The following TG variants were observed in gnomAD, a reference collection of about 807,000 sequenced individuals.
TG encodes the protein thyroid hormones.
TG carries 270 observed loss-of-function variants against 324.7 expected under a neutral mutation model. The observed-to-expected ratio is 0.83, with a 90% confidence interval of 0.75 to 0.92. TG has a LOEUF of 0.92. Ranked by LOEUF, TG falls within the 40% of genes least tolerant of loss-of-function variation. The pLI, the probability that TG is intolerant of heterozygous loss-of-function variation, is 0.00. For missense variants in TG, 3,591 were observed against 3,456.4 expected (o/e 1.04, Z -0.98); for synonymous variants, 1,401 against 1,327.0 (o/e 1.06, Z -1.21).
chr8:133,113,818 G>A (rs1850472267), intron 44 of TG: 1 of 606,844 alleles, frequency 1.6e-6, no homozygotes, highest in Non-Finnish European at 2.9e-6. Flanking sequence ...GAAACCCCAA[G>A]CCAATGAGAG....
At chr8:133,024,803 T>C (rs1835923043) in intron 40 of TG, among the ~76,000 whole-genome samples, 1 of 152,174 alleles carries the variant, frequency 6.6e-6, no homozygotes, top group African/African-American at 2.4e-5. Flanking sequence ...CTTTATCCAG[T>C]CTATCAGTGA....
chr8:132,891,108 G>T (rs1816176757), intron 10 of TG, among the ~76,000 whole-genome samples: 1 of 152,112 alleles, frequency 6.6e-6, no homozygotes, highest in Admixed American at 6.5e-5. Context: ...AGAGAAAGGG[G>T]CTACTAACTC....
rs1379143289 is a variant in TG, at chr8:132,901,376, A to G, written c.3457A>G (p.Lys1153Glu). 1 of 1,614,160 alleles carries G rather than the reference A, an allele frequency of 6.2e-7. No homozygotes were observed. The highest frequency in any genetic ancestry group is 1.7e-5 in the Admixed American group (1 of 60,028). ...AQCPSLCNVL[K>E]SGVLSRRVSP... The stretch of plus-strand genomic sequence containing the variant: ...AGGCCCAAGCCTCTGCAATGTGCTC[A>G]AGAGTGGAGTCCTCTCCAGGAGAGT... Residue 1153 changes from lysine to glutamate, a missense_variant, in exon 16 of 48, where the codon AAG (lysine) becomes GAG (glutamate). Lys to Glu is a moderately conservative substitution (Grantham distance 56). Coordinates refer to ENST00000220616, the MANE Select transcript of TG (RefSeq NM_003235.5).
At chr8:133,019,839 T>A in intron 39 of TG, 144 bp downstream of exon 39, 1 of 679,866 alleles carries the variant, frequency 1.5e-6, no homozygotes, top group Non-Finnish European at 2.6e-6. Flanking sequence ...GACACTCAGT[T>A]AGTGAGTGAT....
At chr8:133,111,355 C>T (rs577999375) in intron 43 of TG, among the ~76,000 whole-genome samples, 2 of 152,288 alleles carry the variant, frequency 1.3e-5, no homozygotes, top group Admixed American at 1.3e-4. Context: ...AACATCGTGC[C>T]CAATTCACCT....
intron 31 of TG, 74 bp downstream of exon 31, chr8:132,968,044 C>A: frequency 6.5e-7 from 1 of 1,533,546 alleles, no homozygotes; most frequent in Non-Finnish European, 8.9e-7. Flanking sequence ...GAAAGATCCA[C>A]ATTAGTTTCT....
intron 1 of TG, among the ~76,000 whole-genome samples, chr8:132,867,365 G>A (rs111588544): frequency 0.016 from 2,462 of 152,074 alleles, 69 homozygotes; most frequent in African/African-American, 0.057. Flanking sequence ...TTGACCTTGG[G>A]TTTTTATCCC....
intron 15 of TG, among the ~76,000 whole-genome samples, chr8:132,900,637 G>A (rs1033793458): frequency 1.3e-5 from 2 of 152,220 alleles, no homozygotes; most frequent in African/African-American, 2.4e-5. Context: ...AGGGCTGGCC[G>A]GATGTGTGGC....
intron 27 of TG, 62 bp downstream of exon 27, chr8:132,949,005 T>A: frequency 6.7e-7 from 1 of 1,501,640 alleles, no homozygotes. Context: ...CAAGGCCCTC[T>A]GCTACTTTCT....
intron 41 of TG, among the ~76,000 whole-genome samples, chr8:133,075,480 G>T (rs1319434094): frequency 3.3e-5 from 5 of 152,334 alleles, no homozygotes; most frequent in African/African-American, 1.2e-4. Context: ...AACATTATGA[G>T]ATGGCAGTTG....
intron 41 of TG, among the ~76,000 whole-genome samples, chr8:133,088,797 T>C (rs1243087304): frequency 1.3e-5 from 2 of 152,216 alleles, no homozygotes; most frequent in East Asian, 3.8e-4. Context: ...AGACGAATTG[T>C]ATTAATTACT....
intron 41 of TG, among the ~76,000 whole-genome samples, chr8:133,055,424 T>C (rs1305450083): frequency 2.0e-5 from 3 of 149,352 alleles, no homozygotes; most frequent in Non-Finnish European, 4.5e-5. Flanking sequence ...TACATGCAAC[T>C]AACCAATCAC....
At chr8:133,032,942 G>A (rs1301767911) in intron 41 of TG, among the ~76,000 whole-genome samples, 1 of 152,164 alleles carries the variant, frequency 6.6e-6, no homozygotes, top group Admixed American at 6.5e-5. Context: ...GAGAGATTTA[G>A]TGACCTACCA....
intron 41 of TG, among the ~76,000 whole-genome samples, chr8:133,063,919 T>C (rs985946649): frequency 6.6e-6 from 1 of 152,174 alleles, no homozygotes; most frequent in Non-Finnish European, 1.5e-5. Context: ...ATTTAATCTG[T>C]GACAATTTTA....
intron 39 of TG, 43 bp downstream of exon 39, chr8:133,019,738 C>A: frequency 6.5e-7 from 1 of 1,541,238 alleles, no homozygotes; most frequent in Non-Finnish European, 8.9e-7. Flanking sequence ...GAAGACTGTC[C>A]CATTAGAAAT....
rs376865985 is a variant in TG at position 132,961,131 on chromosome 8, G to A, written c.5467+58G>A. The A allele has an allele frequency of 1.7e-5, 26 of 1,540,692 alleles. No homozygotes were observed. In the Admixed American group the frequency reaches 2.2e-4, roughly 13 times the overall value. ...GACGCTGATTACATGAGATTGTCTG[G>A]CACCACCTCTCATTCACAGGGCACT... On this transcript the variant is annotated intron_variant, in intron 28 of 47. Coordinates refer to ENST00000220616, the MANE Select transcript of TG (RefSeq NM_003235.5).
chr8:133,021,746 T>A (rs1050944703), intron 39 of TG, among the ~76,000 whole-genome samples: 1 of 152,182 alleles, frequency 6.6e-6, no homozygotes, highest in African/African-American at 2.4e-5. Context: ...ACCGGTCCTA[T>A]TGGTGACTTC....
At chr8:132,898,083 A>T in intron 12 of TG, 86 bp from the exon 13 acceptor site, 2 of 1,307,266 alleles carry the variant, frequency 1.5e-6, no homozygotes, top group Non-Finnish European at 2.2e-6. Context: ...CACTGCTATG[A>T]GTGAAGAAGG....
chr8:132,916,800 A>T (rs1342672635), intron 20 of TG, among the ~76,000 whole-genome samples: 1 of 152,226 alleles, frequency 6.6e-6, no homozygotes, highest in African/African-American at 2.4e-5. Flanking sequence ...TTAGTTTATG[A>T]AGGAGAATAA....
Sources: gnomAD v4.1 joint callset for allele counts (sites outside exome capture counted in the v4.1 genomes callset) on GRCh38, gnomAD v4.1.1 for gene constraint, MANE v1.5 for transcripts, NCBI Gene and HGNC (gene_info 2026-07-23, HGNC 2026-07-21) for gene names.